The following TEX14 variants were observed in gnomAD, a reference collection of about 807,000 sequenced individuals.
TEX14 encodes inactive serine/threonine-protein kinase TEX14.
Under a neutral mutation model 178.6 loss-of-function variants are expected in TEX14, and 168 were observed. That is an observed-to-expected ratio of 0.94 (90% confidence interval 0.83 to 1.07). The LOEUF (loss-of-function observed/expected upper bound fraction) is 1.07. TEX14 is among the 50% of genes least tolerant of loss of function. The pLI, the probability that TEX14 is intolerant of heterozygous loss-of-function variation, is 0.00. For synonymous variants in TEX14, 626 were observed against 634.1 expected (o/e 0.99, Z 0.19); for missense variants, 1,730 against 1,753.6 (o/e 0.99, Z 0.24).
rs1379438885 is a variant in TEX14, at chr17:58,691,919, TG to T, written c.-2+19del. On this transcript the variant is annotated intron_variant, in intron 1 of 31. Transcript: ENST00000349033. The stretch of plus-strand genomic sequence containing the variant: ...GACCCCAGGAGCCCAGACACACTAA[TG>T]GGGACATTAGTTGCTTACTTTTCCA... 3 of 152,418 alleles carry T rather than the reference TG, an allele frequency of 2.0e-5. No individual in the cohort carries two copies. Among genetic ancestry groups the T allele is most frequent in the Non-Finnish European group, 2.9e-5 (2 of 68,358 alleles). The allele number at this position is 152,418 out of a possible 1,614,324, so 9.4% of individuals were successfully genotyped here. A position where few individuals can be genotyped will look rare whatever the true frequency, so the allele number is the denominator to read the frequency against.
chr17:58,588,798 C>T, intron 15 of TEX14, among the ~76,000 whole-genome samples: 1 of 152,062 alleles, frequency 6.6e-6, no homozygotes, highest in East Asian at 1.9e-4. Context: ...AGGATGGTGG[C>T]TCAGGTCTGT....
chr17:58,675,800 C>G (rs1432422109), intron 1 of TEX14, among the ~76,000 whole-genome samples: 1 of 152,176 alleles, frequency 6.6e-6, no homozygotes, highest in African/African-American at 2.4e-5. Context: ...TTCCTTTAAA[C>G]ATGTTTTTAA....
At chr17:58,661,307 CG>C (rs1567764916) in intron 1 of TEX14, 1 of 826,886 alleles carries the variant, frequency 1.2e-6, no homozygotes. Context: ...TAGACGCTTA[CG>C]GGGGTTGACT....
chr17:58,622,061 C>T (rs1309474906), intron 4 of TEX14, among the ~76,000 whole-genome samples: 1 of 152,180 alleles, frequency 6.6e-6, no homozygotes, highest in Non-Finnish European at 1.5e-5. Flanking sequence ...CTTTAATAAG[C>T]AGGAGCCCCA....
intron 18 of TEX14, 55 bp from the exon 19 acceptor site, chr17:58,584,655 T>G (rs926533963): frequency 4.0e-5 from 55 of 1,367,222 alleles, no homozygotes; most frequent in Non-Finnish European, 5.7e-5. Context: ...TCAGACAACA[T>G]GGAAGAGGAT....
chr17:58,586,066 C>A lies in TEX14; in HGVS notation c.2805G>T (p.Met935Ile). The A allele has an allele frequency of 1.2e-6, 2 of 1,612,564 alleles. No homozygotes were observed. Among genetic ancestry groups the A allele is most frequent in the Non-Finnish European group, 1.7e-6 (2 of 1,178,782 alleles). ...GCTGTCCAGTAGCTGCTTTCTTTGC[C>A]ATTTCTTTCACCTCCACTGTGCATA... is the stretch of plus-strand genomic sequence containing the variant. ...HLKWKMEVKEMAKKAATGQLT... is the reference protein window; with the variant it reads ...HLKWKMEVKEIAKKAATGQLT... Residue 935 changes from methionine to isoleucine, a missense_variant, in exon 18 of 32, where the codon ATG becomes ATT. By Grantham distance (10) the Met-to-Ile change is conservative. Transcript: ENST00000349033.
At chr17:58,642,691 A>C (rs1390594696) in intron 2 of TEX14, among the ~76,000 whole-genome samples, 1 of 151,976 alleles carries the variant, frequency 6.6e-6, no homozygotes, top group Non-Finnish European at 1.5e-5. Context: ...CTTTCTGGTC[A>C]CTTTCATCCA....
chr17:58,688,385 G>C (rs1413404801), intron 1 of TEX14, among the ~76,000 whole-genome samples: 1 of 152,144 alleles, frequency 6.6e-6, no homozygotes, highest in East Asian at 1.9e-4. Flanking sequence ...CTCCTAAAGT[G>C]ATGGGATTAC....
intron 2 of TEX14, among the ~76,000 whole-genome samples, chr17:58,642,466 C>T (rs1310604712): frequency 1.3e-5 from 2 of 152,050 alleles, no homozygotes; most frequent in African/African-American, 4.8e-5. Context: ...GGCAATCTGG[C>T]CAGGTCTGGG....
chr17:58,572,191 T>G (rs1431380007), intron 23 of TEX14, 65 bp from the exon 24 acceptor site: 2 of 1,289,742 alleles, frequency 1.6e-6, no homozygotes, highest in Non-Finnish European at 2.2e-6. Context: ...TTTTCCTTTT[T>G]CCCTTTGTTT....
At chr17:58,677,140 A>G (rs1267797221) in intron 1 of TEX14, among the ~76,000 whole-genome samples, 1 of 151,404 alleles carries the variant, frequency 6.6e-6, no homozygotes, top group African/African-American at 2.4e-5. Context: ...AAAAAAAAAA[A>G]ATTAGCCAGC....
intron 31 of TEX14, 24 bp downstream of exon 31, chr17:58,557,775 T>G: frequency 6.3e-7 from 1 of 1,598,054 alleles, no homozygotes; most frequent in Non-Finnish European, 8.6e-7. Context: ...ACTTTTGATC[T>G]ACAAACATCT....
At chr17:58,638,959 G>A (rs1376900224) in intron 2 of TEX14, among the ~76,000 whole-genome samples, 1 of 148,930 alleles carries the variant, frequency 6.7e-6, no homozygotes. Flanking sequence ...CACCTCCCAG[G>A]TTCACGCCAT....
At chr17:58,558,653 C>T (rs940299294) in intron 30 of TEX14, among the ~76,000 whole-genome samples, 1 of 152,144 alleles carries the variant, frequency 6.6e-6, no homozygotes, top group Non-Finnish European at 1.5e-5. Context: ...AAGTCTCTTA[C>T]TTTCCTGAGT....
In TEX14 at chr17:58,569,254, G is replaced by C; in HGVS notation, c.3824C>G (p.Ala1275Gly). The C allele has an allele frequency of 6.2e-7, 1 of 1,613,764 alleles. No homozygotes were observed. Among genetic ancestry groups the C allele is most frequent in the South Asian group, 1.1e-5 (1 of 91,042 alleles). The stretch of plus-strand genomic sequence containing the variant: ...CTCATCAATGTGATGCTGTGAGAAG[G>C]CTTCTACTAGTTTTTAAAAAAGACA... The part of the protein sequence containing the change: ...TQRRSLPKVE[A>G]FSQHHIDELP... Residue 1275 changes from alanine (A) to glycine (G), a missense_variant, in exon 26 of 32, where the codon GCC becomes GGC. By Grantham distance (60) the Ala-to-Gly change is moderately conservative. Coordinates refer to ENST00000349033, the MANE Select transcript of TEX14 (RefSeq NM_031272.5). The surrounding 1 kb of genome is among the most constrained non-coding windows in gnomAD (Gnocchi z 4.1).
chr17:58,679,203 T>C (rs530224724), intron 1 of TEX14, among the ~76,000 whole-genome samples: 2 of 151,902 alleles, frequency 1.3e-5, no homozygotes, highest in African/African-American at 4.8e-5. Flanking sequence ...CAAAAAGATA[T>C]AAAGACAGAA....
chr17:58,683,022 C>G (rs1301833953), intron 1 of TEX14, among the ~76,000 whole-genome samples: 1 of 145,212 alleles, frequency 6.9e-6, no homozygotes, highest in Non-Finnish European at 1.5e-5. Context: ...CATTGCACTC[C>G]AGCCTGGGCG....
At chr17:58,609,026 G>A (rs142917733) in intron 10 of TEX14, among the ~76,000 whole-genome samples, 1 of 152,336 alleles carries the variant, frequency 6.6e-6, no homozygotes, top group African/African-American at 2.4e-5. Context: ...ATGAGAAAGT[G>A]AGCAGTTCAA....
chr17:58,609,012 C>A (rs1414101963), intron 10 of TEX14, among the ~76,000 whole-genome samples: 5 of 152,220 alleles, frequency 3.3e-5, no homozygotes, highest in African/African-American at 2.4e-5. Context: ...TAAAAATGGA[C>A]CAGATGAGAA....
Sources: allele counts gnomAD v4.1 joint callset (sites outside exome capture counted in the v4.1 genomes callset), GRCh38; gene constraint gnomAD v4.1.1; non-coding constraint Gnocchi (gnomAD v3.1); transcripts MANE v1.5; gene names NCBI Gene and HGNC (gene_info 2026-07-23, HGNC 2026-07-21).